The following ORC3 variants were observed in gnomAD, a reference collection of about 807,000 sequenced individuals.
ORC3 encodes the protein homolog of latheo, Drosophila.
ORC3 carries 78 observed loss-of-function variants against 100.7 expected under a neutral mutation model. That is an observed-to-expected ratio of 0.77 (90% CI 0.65 to 0.94). The LOEUF is 0.94. Among genes scored for constraint, ORC3 ranks in the 40% least tolerant of loss-of-function variants. ORC3 has a pLI of 0.00. For missense variants in ORC3, 789 were observed against 823.9 expected (o/e 0.96, Z 0.52); for synonymous variants, 295 against 289.3 (o/e 1.02, Z -0.20).
At chr6:87,626,386 TGAA>T (rs1306654810) in intron 11 of ORC3, among the ~76,000 whole-genome samples, 3 of 152,212 alleles carry the variant, frequency 2.0e-5, no homozygotes, top group Non-Finnish European at 2.9e-5. Context: ...TAATTCTCCT[TGAA>T]GAGATCCTTC....
intron 2 of ORC3, among the ~76,000 whole-genome samples, chr6:87,599,492 T>C (rs1329820919): frequency 6.6e-6 from 1 of 151,876 alleles, no homozygotes; most frequent in African/African-American, 2.4e-5. Context: ...CTCAGCCTCC[T>C]GAGTACCTGG....
At position 87,609,220 on chromosome 6, in the gene ORC3, T is replaced by TACAA; in HGVS notation, c.704_705insACAA (p.Ile236GlnfsTer9). Reference sequence around the variant, plus strand: ...ACAAAAGTACTACAAGACTTCATAATTATCAGCAGGTAGATGGTGTATTAC... The same window carrying TACAA: ...ACAAAAGTACTACAAGACTTCATAATACAATATCAGCAGGTAGATGGTGTATTAC... On this transcript the variant is annotated frameshift_variant, in exon 7 of 20. Transcript: ENST00000392844. LOFTEE classifies it high-confidence loss of function. 1 of 1,593,678 alleles carries TACAA rather than the reference T, an allele frequency of 6.3e-7. No individual in the cohort carries two copies. Among genetic ancestry groups the TACAA allele is most frequent in the South Asian group, 1.2e-5 (1 of 86,806 alleles).
chr6:87,590,289 C>A, intron 1 of ORC3, 97 bp downstream of exon 1: 3 of 1,326,002 alleles, frequency 2.3e-6, no homozygotes, highest in Non-Finnish European at 3.3e-6. Context: ...CCTTCCCTGG[C>A]TGGAGAGGAG....
intron 13 of ORC3, among the ~76,000 whole-genome samples, chr6:87,649,673 G>A (rs1202026106): frequency 6.6e-6 from 1 of 152,160 alleles, no homozygotes; most frequent in Non-Finnish European, 1.5e-5. Flanking sequence ...CTGAACCCAG[G>A]AGGCAGAGGT....
chr6:87,598,808 G>A (rs1381291909), intron 2 of ORC3, among the ~76,000 whole-genome samples: 2 of 152,192 alleles, frequency 1.3e-5, no homozygotes, highest in African/African-American at 2.4e-5. Context: ...ACTGGCTTCA[G>A]TTGTTGAAAC....
At chr6:87,620,141 T>C (rs1279345231) in intron 9 of ORC3, among the ~76,000 whole-genome samples, 1 of 152,184 alleles carries the variant, frequency 6.6e-6, no homozygotes, top group African/African-American at 2.4e-5. Flanking sequence ...TATTTGTAGC[T>C]CTACTGTAAC....
chr6:87,619,473 CTG>C (rs370342759), intron 9 of ORC3, among the ~76,000 whole-genome samples: 192 of 152,172 alleles, frequency 1.3e-3, no homozygotes, highest in African/African-American at 3.9e-3. Flanking sequence ...GTGGCATAAT[CTG>C]AGCTCACTGC....
intron 9 of ORC3, among the ~76,000 whole-genome samples, chr6:87,619,642 G>A (rs1393674192): frequency 6.6e-6 from 1 of 152,156 alleles, no homozygotes; most frequent in Non-Finnish European, 1.5e-5. Context: ...CTGACCTCCG[G>A]TGATCCACCC....
Position 87,612,232 on chromosome 6 carries a change from C to T in ORC3, c.857C>T (p.Thr286Ile), listed in dbSNP as rs1778825937. Residue 286 changes from threonine (T) to isoleucine (I), a missense_variant, in exon 8 of 20, where the codon ACT becomes ATT. Thr to Ile is a moderately conservative substitution (Grantham distance 89). Transcript: ENST00000392844. ...FQSLSCKEHL[T>I]TVLDKLLLTT... ...TCTTTGTCTTGTAAGGAGCACCTGACTACGGTACTCGATAAGGTAAAAAGA... is the reference window on the plus strand; with the variant it reads ...TCTTTGTCTTGTAAGGAGCACCTGATTACGGTACTCGATAAGGTAAAAAGA... 6.2e-7 allele frequency: 1 copy of T among 1,606,146 alleles called. No homozygotes were observed. Among genetic ancestry groups the T allele is most frequent in the African/African-American group, 1.3e-5 (1 of 74,620 alleles).
chr6:87,598,428 T>A (rs1777625681), intron 2 of ORC3, among the ~76,000 whole-genome samples: 1 of 152,258 alleles, frequency 6.6e-6, no homozygotes, highest in South Asian at 2.1e-4. Context: ...AATGTTATAA[T>A]GTTAGTAAAT....
At chr6:87,590,300 G>A (rs1303497438) in intron 1 of ORC3, 108 bp downstream of exon 1, 10 of 1,207,984 alleles carry the variant, frequency 8.3e-6, no homozygotes, top group African/African-American at 3.0e-5. Flanking sequence ...TGGAGAGGAG[G>A]GAGGGAGCGG....
rs1202727293 is a variant in ORC3, at chr6:87,590,137, G to C, written c.-32G>C. ...CGCGAGGGCGCGCGGGAAATCCCGA[G>C]TGCATCTGGAATACGCAGAGTCAGT... On this transcript the variant is annotated 5_prime_UTR_variant, in exon 1 of 20. Coordinates refer to ENST00000392844, the MANE Select transcript of ORC3 (RefSeq NM_012381.4). 3.1e-6 allele frequency: 5 copies of C among 1,613,844 alleles called. No individual in the cohort carries two copies. The Admixed American group carries it at 5.0e-5, about 16-fold the overall frequency.
At chr6:87,644,920 G>T (rs1171717742) in intron 13 of ORC3, among the ~76,000 whole-genome samples, 1 of 152,066 alleles carries the variant, frequency 6.6e-6, no homozygotes, top group Non-Finnish European at 1.5e-5. Flanking sequence ...ACCATGTGAT[G>T]AATTAAATTT....
intron 9 of ORC3, among the ~76,000 whole-genome samples, chr6:87,618,645 T>C (rs1280202262): frequency 6.6e-6 from 1 of 152,078 alleles, no homozygotes; most frequent in Middle Eastern, 3.2e-3. Context: ...TGCAGTAATC[T>C]AGACAGGACA....
At chr6:87,653,013 T>C in intron 13 of ORC3, 103 bp from the exon 14 acceptor site, 1 of 909,216 alleles carries the variant, frequency 1.1e-6, no homozygotes, top group Non-Finnish European at 1.6e-6. Flanking sequence ...AGAATTTCTT[T>C]TATCTTCTGA....
chr6:87,639,375 C>G (rs1235749488), intron 13 of ORC3, among the ~76,000 whole-genome samples: 1 of 152,172 alleles, frequency 6.6e-6, no homozygotes, highest in South Asian at 2.1e-4. Flanking sequence ...TGCTCTTACC[C>G]CCACCATAGT....
chr6:87,598,781 C>CT (rs1365129450), intron 2 of ORC3, among the ~76,000 whole-genome samples: 3 of 151,984 alleles, frequency 2.0e-5, no homozygotes, highest in Non-Finnish European at 4.4e-5. Context: ...CATACCCAGA[C>CT]TTTAACATTT....
intron 11 of ORC3, among the ~76,000 whole-genome samples, chr6:87,623,422 G>A (rs28385591): frequency 0.064 from 9,788 of 152,274 alleles, 410 homozygotes; most frequent in African/African-American, 0.12. Context: ...TGAGTCTTTG[G>A]AGATTAGCTA....
chr6:87,657,249 A>C (rs1024345400), intron 15 of ORC3, among the ~76,000 whole-genome samples: 8 of 152,252 alleles, frequency 5.3e-5, no homozygotes, highest in African/African-American at 1.9e-4. Flanking sequence ...ATCAGCTAGC[A>C]ATAAGAGAAA....
Sources: allele counts gnomAD v4.1 joint callset (sites outside exome capture counted in the v4.1 genomes callset), GRCh38; gene constraint gnomAD v4.1.1; transcripts MANE v1.5; gene names NCBI Gene and HGNC (gene_info 2026-07-23, HGNC 2026-07-21).